Variants in CC2D2A observed in about 807,000 individuals in gnomAD.
CC2D2A encodes coiled-coil and C2 domain containing 2A.
A neutral mutation model predicts 212.9 loss-of-function variants in CC2D2A; 155 were observed. The observed-to-expected ratio is 0.73, with a 90% CI of 0.64 to 0.83. The LOEUF (loss-of-function observed/expected upper bound fraction) is 0.83. CC2D2A is among the 40% of genes least tolerant of loss of function. CC2D2A has a pLI of 0.00. For synonymous variants in CC2D2A, 667 were observed against 686.5 expected (o/e 0.97, Z 0.44); for missense variants, 1,856 against 1,956.2 (o/e 0.95, Z 0.97).
intron 4 of CC2D2A, among the ~76,000 whole-genome samples, chr4:15,495,724 T>C (rs1715579806): frequency 2.0e-5 from 3 of 152,204 alleles, no homozygotes. Flanking sequence ...GGTAGAATGA[T>C]TTATATTCCT....
At chr4:15,564,557 G>T (rs1233525442) in intron 24 of CC2D2A, among the ~76,000 whole-genome samples, 2 of 152,192 alleles carry the variant, frequency 1.3e-5, no homozygotes, top group Non-Finnish European at 2.9e-5. Context: ...CTTGGCTAAG[G>T]TCATTCAGCC....
intron 22 of CC2D2A, among the ~76,000 whole-genome samples, chr4:15,559,755 T>A (rs1340757203): frequency 6.6e-6 from 1 of 152,168 alleles, no homozygotes; most frequent in Non-Finnish European, 1.5e-5. Context: ...TCCAGTGTTA[T>A]CTACCCTGTG....
intron 5 of CC2D2A, 48 bp downstream of exon 5, chr4:15,502,565 C>T (rs1350648032): frequency 2.0e-6 from 3 of 1,482,926 alleles, no homozygotes; most frequent in Non-Finnish European, 2.8e-6. Flanking sequence ...TTGCAATCTT[C>T]CAGGGCTTGT....
At chr4:15,489,514 T>C (rs907558172) in intron 4 of CC2D2A, among the ~76,000 whole-genome samples, 7 of 152,188 alleles carry the variant, frequency 4.6e-5, no homozygotes, top group African/African-American at 1.7e-4. Flanking sequence ...TTACCTATTA[T>C]TAGTTATGAG....
Position 15,598,746 on chromosome 4 carries a change from G to A in CC2D2A, c.4497-783G>A, listed in dbSNP as rs930030397. Among the ~76,000 whole-genome samples the A allele has an allele frequency of 4.6e-5, 7 of 152,136 alleles. No homozygotes were observed. The East Asian group carries it at 5.8e-4, about 13-fold the overall frequency. On this transcript the variant is annotated intron_variant, in intron 35 of 36. Coordinates refer to ENST00000424120, the MANE Select transcript of CC2D2A (RefSeq NM_001378615.1). ...ACTATTCATGATGTGAATAAATCAC[G>A]AGGCACTAAGAGCTCCACAAATATT...
At chr4:15,476,893 G>A (rs939134104) in intron 2 of CC2D2A, among the ~76,000 whole-genome samples, 3 of 152,164 alleles carry the variant, frequency 2.0e-5, no homozygotes, top group Non-Finnish European at 4.4e-5. Flanking sequence ...CTTCTCTCTC[G>A]CTTCAAGGGC....
intron 36 of CC2D2A, 51 bp downstream of exon 36, chr4:15,599,757 T>C: frequency 4.3e-6 from 6 of 1,406,086 alleles, no homozygotes; most frequent in Non-Finnish European, 4.8e-6. Context: ...TGTTTCAAAT[T>C]GGAAATTAGC....
chr4:15,515,801 C>G, intron 9 of CC2D2A, 67 bp from the exon 10 acceptor site: 1 of 1,396,892 alleles, frequency 7.2e-7, no homozygotes, highest in Non-Finnish European at 9.7e-7. Context: ...GATTAATTCA[C>G]CAAACTGCAG....
At chr4:15,488,934 C>T (rs4140934) in intron 4 of CC2D2A, among the ~76,000 whole-genome samples, 70,561 of 152,114 alleles carry the variant, frequency 0.46, 17,035 homozygotes, top group African/African-American at 0.58. Flanking sequence ...AAGAAAGCAT[C>T]TCCCTGAACA....
Position 15,538,151 on chromosome 4 carries a change from C to T in CC2D2A, c.2003+14C>T. 5 of 1,529,786 alleles carry T rather than the reference C, an allele frequency of 3.3e-6. No homozygotes were observed. Among genetic ancestry groups the T allele is most frequent in the Non-Finnish European group, 4.4e-6 (5 of 1,135,650 alleles). The allele number at this position is 1,529,786 out of a possible 1,614,324, so 94.8% of individuals were successfully genotyped here. A position where few individuals can be genotyped will look rare whatever the true frequency, so the allele number is the denominator to read the frequency against. On this transcript the variant is annotated intron_variant, in intron 16 of 36. Coordinates refer to ENST00000424120, the MANE Select transcript of CC2D2A (RefSeq NM_001378615.1). ...CCAGTGCCCCAGGTGAGTGGATGCT[C>T]CGACCGTAAATGAGGCTGACATCTG...
At position 15,589,622 on chromosome 4, in the gene CC2D2A, A is replaced by C; in HGVS notation, c.4257A>C (p.Gly1419=). The change falls in exon 33 of 37, where the codon GGA becomes GGC. Residue 1419 remains glycine (G), a synonymous_variant. Transcript: ENST00000424120. ...ATCCCTGCAGTGGACATTTTTATGG[A>C]CAATTTGATACATTCTGTCCCTTGA... is the stretch of plus-strand genomic sequence containing the variant. ...IWNPCSGHFY[G]QFDTFCPLKN... The C allele has an allele frequency of 6.2e-7, 1 of 1,612,134 alleles. No homozygotes were observed.
chr4:15,519,801 A>C, intron 11 of CC2D2A: 1 of 311,770 alleles, frequency 3.2e-6, no homozygotes, highest in Non-Finnish European at 6.6e-6. Flanking sequence ...CCACCCCCAT[A>C]ATTCAATCAC....
intron 1 of CC2D2A, among the ~76,000 whole-genome samples, chr4:15,473,046 C>T (rs1206328504): frequency 6.6e-6 from 1 of 152,160 alleles, no homozygotes; most frequent in Non-Finnish European, 1.5e-5. Context: ...CTCACAGCAG[C>T]CTAGAAGAAA....
rs917249107 is a variant in CC2D2A, at chr4:15,553,148, GT to G, written c.2339-7del. 6.3e-7 allele frequency: 1 copy of G among 1,584,430 alleles called. No individual in the cohort carries two copies. Among genetic ancestry groups the G allele is most frequent in the Non-Finnish European group, 8.6e-7 (1 of 1,169,478 alleles). ...TAAACAGCATCCTGTTTAATCTGGT[GT>G]TTCCCCAGGAGTGCCCTTCTCATTT... On this transcript the variant is annotated splice_polypyrimidine_tract_variant and intron_variant, in intron 18 of 36. Transcript: ENST00000424120.
At chr4:15,536,884 C>A (rs898457929) in intron 14 of CC2D2A, 36 bp from the exon 15 acceptor site, 1 of 1,592,988 alleles carries the variant, frequency 6.3e-7, no homozygotes, top group Admixed American at 1.7e-5. Flanking sequence ...TACTTAATTT[C>A]CAGAAATAAC....
At chr4:15,514,471 A>G (rs1716744479) in intron 8 of CC2D2A, among the ~76,000 whole-genome samples, 1 of 152,246 alleles carries the variant, frequency 6.6e-6, no homozygotes, top group Non-Finnish European at 1.5e-5. Flanking sequence ...CTCTTCTGAA[A>G]CAGCCATCTC....
chr4:15,551,826 G>A (rs374999613), intron 18 of CC2D2A, among the ~76,000 whole-genome samples: 12 of 152,122 alleles, frequency 7.9e-5, no homozygotes, highest in Middle Eastern at 3.4e-3. Flanking sequence ...GCTTCCTCAT[G>A]TGTCTGTTTT....
At chr4:15,567,638 C>G (rs1436697306) in intron 25 of CC2D2A, 39 bp from the exon 26 acceptor site, 1 of 1,459,448 alleles carries the variant, frequency 6.9e-7, no homozygotes, top group South Asian at 1.3e-5. Flanking sequence ...AATAATTTGA[C>G]TAACCATTGG....
At position 15,537,895 on chromosome 4, in the gene CC2D2A, A is replaced by G; in HGVS notation, c.1765-4A>G. 1 of 1,588,314 alleles carries G rather than the reference A, an allele frequency of 6.3e-7. No homozygotes were observed. Among genetic ancestry groups the G allele is most frequent in the South Asian group, 1.1e-5 (1 of 87,084 alleles). ...TTGATATCATGTTGCCTCTAACTCA[A>G]CAGAGGGCCAAGAAGAAGAAAAGGA... is the stretch of plus-strand genomic sequence containing the variant. On this transcript the variant is annotated splice_region_variant and splice_polypyrimidine_tract_variant and intron_variant, in intron 15 of 36. Transcript: ENST00000424120.
Sources: gnomAD v4.1 joint callset for allele counts (sites outside exome capture counted in the v4.1 genomes callset) on GRCh38, gnomAD v4.1.1 for gene constraint, MANE v1.5 for transcripts, NCBI Gene and HGNC (gene_info 2026-07-23, HGNC 2026-07-21) for gene names.